DENND6B: variants seen among roughly 807,000 people sequenced by gnomAD.
DENND6B encodes protein DENND6B.
In DENND6B, 73 loss-of-function variants were observed where a neutral mutation model predicts 85.1. The observed-to-expected ratio is 0.86, with a 90% CI of 0.71 to 1.04. The LOEUF (loss-of-function observed/expected upper bound fraction) is 1.04. DENND6B is among the 50% of genes least tolerant of loss of function. The probability of loss-of-function intolerance (pLI) is 0.00; values close to 1 mark genes in which losing one functional copy is unlikely to be tolerated. For missense variants in DENND6B, 715 were observed against 785.8 expected, an observed-to-expected ratio of 0.91 and a Z score of 1.08; for synonymous variants, 357 against 329.3, an observed-to-expected ratio of 1.08 and a Z score of -0.91.
chr22:50,313,139 G>A (rs1363072825), intron 16 of DENND6B, 31 bp from the exon 17 acceptor site: 1 of 1,542,384 alleles, frequency 6.5e-7, no homozygotes, highest in African/African-American at 1.4e-5. Context: ...CAGCACGTGG[G>A]AACTCGGCCT....
intron 6 of DENND6B, 24 bp downstream of exon 6, chr22:50,316,346 T>C (rs1415411030): frequency 1.9e-6 from 3 of 1,564,126 alleles, no homozygotes; most frequent in Non-Finnish European, 2.6e-6. Context: ...GAGACCACGA[T>C]GGCCACGACT....
intron 17 of DENND6B, 24 bp downstream of exon 17, chr22:50,312,975 T>C: frequency 6.5e-7 from 1 of 1,543,292 alleles, no homozygotes; most frequent in East Asian, 2.5e-5. Flanking sequence ...GGGCTCAAGC[T>C]GCCTGCACCT....
rs1489043340 is a variant in DENND6B, at chr22:50,315,077, G to A, written c.759-156C>T. On this transcript the variant is annotated intron_variant, in intron 9 of 19. Coordinates refer to ENST00000413817, the MANE Select transcript of DENND6B (RefSeq NM_001001794.4). Reference sequence around the variant, plus strand: ...CAGATCTATCTGAAGATGTGTCTCGGGTAATCATGACGACCCCAAGCTGTG... The same window carrying A: ...CAGATCTATCTGAAGATGTGTCTCGAGTAATCATGACGACCCCAAGCTGTG... The A allele has an allele frequency of 3.5e-6, 4 of 1,134,326 alleles. No homozygotes were observed. The Admixed American group carries it at 1.0e-4, about 29-fold the overall frequency. The allele number at this position is 1,134,326 out of a possible 1,614,324, so 70.3% of individuals were successfully genotyped here.
chr22:50,315,826 C>A (rs936514686), intron 8 of DENND6B, 57 bp from the exon 9 acceptor site: 2 of 1,478,230 alleles, frequency 1.4e-6, no homozygotes, highest in African/African-American at 2.8e-5. Context: ...CCTTGGGCCC[C>A]AAGCAGCCCC....
At chr22:50,318,168 C>A in intron 3 of DENND6B, 148 bp from the exon 4 acceptor site, 1 of 744,698 alleles carries the variant, frequency 1.3e-6, no homozygotes, top group East Asian at 2.9e-5. Context: ...CACAGTGAAA[C>A]CCCGTTTCTA....
At chr22:50,313,385 T>C in intron 16 of DENND6B, 61 bp downstream of exon 16, 2 of 1,516,570 alleles carry the variant, frequency 1.3e-6, no homozygotes, top group Admixed American at 2.1e-5. Flanking sequence ...CCTTCCCTCC[T>C]CCGGGTGAGG....
intron 1 of DENND6B, among the ~76,000 whole-genome samples, chr22:50,320,834 C>T (rs908225123): frequency 1.3e-5 from 2 of 152,186 alleles, no homozygotes; most frequent in Non-Finnish European, 2.9e-5. Flanking sequence ...CTCTGAGCTC[C>T]GTGCCCATGC....
chr22:50,315,961 C>T, intron 8 of DENND6B, 64 bp downstream of exon 8: 3 of 1,609,496 alleles, frequency 1.9e-6, no homozygotes, highest in Non-Finnish European at 2.5e-6. Flanking sequence ...CCACCCGGCC[C>T]AGGAGCAGGA....
intron 1 of DENND6B, among the ~76,000 whole-genome samples, chr22:50,324,948 G>C (rs2042151397): frequency 6.6e-6 from 1 of 152,228 alleles, no homozygotes; most frequent in African/African-American, 2.4e-5. Flanking sequence ...GGGCTTTGCA[G>C]TGCTTAGCTG....
chr22:50,319,475 C>T, intron 1 of DENND6B: 1 of 985,410 alleles, frequency 1.0e-6, no homozygotes, highest in Non-Finnish European at 1.2e-6. Flanking sequence ...CCTGCCCCTA[C>T]CCACCCGGAC....
At position 50,314,874 on chromosome 22, in the gene DENND6B, A is replaced by G. The variant is rs1408594537; in HGVS notation, c.806T>C (p.Met269Thr). ...GACTAGCAGGGGCTCCCCGAGGAGC[A>G]TGAGCTCCCACAGTGTCTGCATATG... is the stretch of plus-strand genomic sequence containing the variant. The part of the protein sequence containing the change: ...LTHMQTLWEL[M>T]LLGEPLLVLA... The change falls in exon 10 of 20, where the codon ATG becomes ACG. Residue 269 changes from methionine to threonine, a missense_variant. Coordinates refer to ENST00000413817, the MANE Select transcript of DENND6B (RefSeq NM_001001794.4). 1 of 1,612,138 alleles carries G rather than the reference A, an allele frequency of 6.2e-7. No individual in the cohort carries two copies. The highest frequency in any genetic ancestry group is 2.2e-5 in the East Asian group (1 of 44,894).
chr22:50,313,403 C>T (rs1192149811), intron 16 of DENND6B, 43 bp downstream of exon 16: 1 of 1,531,842 alleles, frequency 6.5e-7, no homozygotes, highest in South Asian at 1.2e-5. Flanking sequence ...AGGAAGGGAA[C>T]CCGCCCTCCA....
intron 9 of DENND6B, chr22:50,315,197 G>T: frequency 2.1e-6 from 1 of 468,098 alleles, no homozygotes; most frequent in Non-Finnish European, 3.9e-6. Context: ...CCCCAAAGCC[G>T]GGGCAGGGTC....
At chr22:50,316,791 T>C in intron 5 of DENND6B, 9 of 1,268,216 alleles carry the variant, frequency 7.1e-6, no homozygotes, top group Non-Finnish European at 9.2e-6. Flanking sequence ...TCTCTGCCTA[T>C]GGCTTCCAGG....
Position 50,314,630 on chromosome 22 carries a change from C to A in DENND6B, c.952G>T (p.Glu318Ter). 1 of 1,566,196 alleles carries A rather than the reference C, an allele frequency of 6.4e-7. No individual in the cohort carries two copies. Among genetic ancestry groups the A allele is most frequent in the Non-Finnish European group, 8.7e-7 (1 of 1,155,866 alleles). Residue 318 changes from glutamate (E) to a stop codon, truncating the protein, a stop_gained, in exon 11 of 20, where the codon GAG becomes TAG. Transcript: ENST00000413817. LOFTEE classifies it high-confidence loss of function. ...GGGGCCTGCGTGCGTGTGGTGAACT[C>A]CTTGAACTCGCTGTCATGGATGGTG... ...YFTIHDSEFK[E>*]FTTRTQAPPN...
chr22:50,312,012 G>C lies in DENND6B; in HGVS notation c.*127C>G. 2 of 1,408,410 alleles carry C rather than the reference G, an allele frequency of 1.4e-6. No individual in the cohort carries two copies. The highest frequency in any genetic ancestry group is 1.9e-6 in the Non-Finnish European group (2 of 1,057,412). 87.2% of individuals were successfully genotyped at this position (1,408,410 alleles called of 1,614,324 possible). On this transcript the variant is annotated 3_prime_UTR_variant, in exon 20 of 20. Transcript: ENST00000413817. The stretch of plus-strand genomic sequence containing the variant: ...TGCTGAGACAATGGTGGTGCAGGAA[G>C]GGGAGCCTGCAGTCTGGGCGGGGGG...
intron 18 of DENND6B, 41 bp downstream of exon 18, chr22:50,312,482 C>A: frequency 6.3e-7 from 1 of 1,575,066 alleles, no homozygotes. Context: ...GTGCCCACCC[C>A]CACCATGTTC....
rs937907314 is a variant in DENND6B at position 50,326,940 on chromosome 22, C to T, written c.49G>A (p.Gly17Ser). 1.1e-5 allele frequency: 14 copies of T among 1,296,428 alleles called. No homozygotes were observed. The African/African-American group carries it at 1.9e-4, about 17-fold the overall frequency. 80.3% of individuals were successfully genotyped at this position (1,296,428 alleles called of 1,614,324 possible). The change falls in exon 1 of 20, where the codon GGC becomes AGC. Residue 17 changes from glycine (G) to serine (S), a missense_variant. Gly to Ser is a moderately conservative substitution (Grantham distance 56, BLOSUM62 0). Coordinates refer to ENST00000413817, the MANE Select transcript of DENND6B (RefSeq NM_001001794.4). The part of the protein sequence containing the change: ...TGPRRARGCL[G>S]AAGPTSSGRA... ...CCTGAAGACGTGGGTCCAGCCGCGC[C>T]CAGGCAGCCGCGAGCCCGGCGAGGC... is the stretch of plus-strand genomic sequence containing the variant.
At chr22:50,323,384 G>T (rs1344979519) in intron 1 of DENND6B, among the ~76,000 whole-genome samples, 1 of 150,908 alleles carries the variant, frequency 6.6e-6, no homozygotes, top group African/African-American at 2.4e-5. Context: ...CCACCTCCCG[G>T]GTTCAAGCAA....
Sources: gnomAD v4.1 joint callset for allele counts (sites outside exome capture counted in the v4.1 genomes callset) on GRCh38, gnomAD v4.1.1 for gene constraint, MANE v1.5 for transcripts, NCBI Gene and HGNC (gene_info 2026-07-23, HGNC 2026-07-21) for gene names.